Variants in PRKG2 observed in about 807,000 individuals in gnomAD.
The protein encoded by PRKG2 is protein kinase cGMP-dependent 2.
In PRKG2, 33 loss-of-function variants were observed where a neutral mutation model predicts 97.2. That is an observed-to-expected ratio of 0.34 (90% CI 0.26 to 0.45). The LOEUF (loss-of-function observed/expected upper bound fraction) is 0.45. Ranked by LOEUF, PRKG2 falls within the 20% of genes least tolerant of loss-of-function variation. The pLI, the probability that PRKG2 is intolerant of heterozygous loss-of-function variation, is 1.00. For missense variants in PRKG2, 638 were observed against 900.0 expected (o/e 0.71, Z 3.73); for synonymous variants, 330 against 321.8 (o/e 1.03, Z -0.27).
chr4:81,127,880 G>A (rs1009337324), intron 14 of PRKG2, among the ~76,000 whole-genome samples: 1 of 152,194 alleles, frequency 6.6e-6, no homozygotes, highest in African/African-American at 2.4e-5. Flanking sequence ...GAATAGGAGT[G>A]GTGACAGAAG....
At chr4:81,172,997 A>T (rs1750627358) in intron 3 of PRKG2, among the ~76,000 whole-genome samples, 1 of 152,152 alleles carries the variant, frequency 6.6e-6, no homozygotes, top group Admixed American at 6.6e-5. Context: ...ATTCTATTCT[A>T]TCAAAGCCAC....
At chr4:81,161,929 T>C (rs535549883) in intron 6 of PRKG2, among the ~76,000 whole-genome samples, 115 of 141,450 alleles carry the variant, frequency 8.1e-4, no homozygotes, top group Non-Finnish European at 1.5e-3. Flanking sequence ...TCTGGATATC[T>C]GGAAGGGGGG....
Position 81,105,882 on chromosome 4 carries a change from C to T in PRKG2, c.1994G>A (p.Gly665Glu). 1.2e-6 allele frequency: 2 copies of T among 1,613,704 alleles called. No individual in the cohort carries two copies. The highest frequency in any genetic ancestry group is 2.7e-5 in the African/African-American group (2 of 74,984). The stretch of plus-strand genomic sequence containing the variant: ...CCTGGGAAAATCCATTTTTTCAATT[C>T]CTTTGAGAATCAAATTGTAGGTCAT... ...QMMTYNLILK[G>E]IEKMDFPRKI... is the part of the protein sequence containing the mutation. Residue 665 changes from glycine (G) to glutamate (E), a missense_variant, in exon 16 of 19, where the codon GGA (glycine) becomes GAA (glutamate). Physicochemically the swap from Gly to Glu is moderately conservative, Grantham distance 98 (BLOSUM62 -2). Around this residue, in one of 3 missense-constraint regions of PRKG2, gnomAD observed 304 missense variants for 460.5 expected, o/e 0.66. Transcript: ENST00000264399.
chr4:81,144,382 A>C, intron 9 of PRKG2, 52 bp from the exon 10 acceptor site: 12 of 1,410,388 alleles, frequency 8.5e-6, no homozygotes, highest in Non-Finnish European at 6.0e-6. Flanking sequence ...TACCAAGGCA[A>C]CTTGACATTC....
At chr4:81,183,325 G>A (rs569703380) in intron 2 of PRKG2, among the ~76,000 whole-genome samples, 41 of 151,994 alleles carry the variant, frequency 2.7e-4, no homozygotes, top group Non-Finnish European at 4.6e-4. Flanking sequence ...TAGAGAGTGG[G>A]TGCAGCCCAC....
At chr4:81,181,423 A>G (rs1215092023) in intron 2 of PRKG2, among the ~76,000 whole-genome samples, 4 of 151,752 alleles carry the variant, frequency 2.6e-5, no homozygotes, top group African/African-American at 9.7e-5. Context: ...AAATTATATA[A>G]TAAAATAAAT....
At chr4:81,210,919 T>A (rs894311795) in intron 1 of PRKG2, among the ~76,000 whole-genome samples, 2 of 152,130 alleles carry the variant, frequency 1.3e-5, no homozygotes, top group African/African-American at 4.8e-5. Context: ...TTTAAATGCA[T>A]ATTGCTGGGT....
At chr4:81,174,527 G>A (rs1262752350) in intron 3 of PRKG2, among the ~76,000 whole-genome samples, 2 of 151,798 alleles carry the variant, frequency 1.3e-5, no homozygotes, top group Non-Finnish European at 2.9e-5. Context: ...TGCCTTACAG[G>A]GTTGGTGAGA....
At chr4:81,127,353 CT>C (rs1745701061) in intron 14 of PRKG2, among the ~76,000 whole-genome samples, 1 of 152,118 alleles carries the variant, frequency 6.6e-6, no homozygotes, top group Non-Finnish European at 1.5e-5. Context: ...TATACAGGCT[CT>C]TTTTTGGTTC....
At chr4:81,209,046 G>T (rs935956716) in intron 1 of PRKG2, among the ~76,000 whole-genome samples, 1 of 152,150 alleles carries the variant, frequency 6.6e-6, no homozygotes, top group Non-Finnish European at 1.5e-5. Flanking sequence ...CTGCAGTTAG[G>T]TATAGGAGAC....
intron 14 of PRKG2, among the ~76,000 whole-genome samples, chr4:81,119,678 ATTT>A (rs201642317): frequency 1.4e-5 from 2 of 144,114 alleles, no homozygotes; most frequent in Admixed American, 1.4e-4. Flanking sequence ...ACTGAATTGA[ATTT>A]TTTTTTTTTT....
At chr4:81,150,859 A>C (rs139930433) in intron 8 of PRKG2, among the ~76,000 whole-genome samples, 1 of 152,290 alleles carries the variant, frequency 6.6e-6, no homozygotes, top group Non-Finnish European at 1.5e-5. Context: ...ACAAATAAAC[A>C]CAAAGAATAT....
At chr4:81,126,324 C>T (rs1237208490) in intron 14 of PRKG2, among the ~76,000 whole-genome samples, 1 of 152,116 alleles carries the variant, frequency 6.6e-6, no homozygotes, top group Non-Finnish European at 1.5e-5. Context: ...GTGAATACTG[C>T]TGCAATAAAC....
intron 15 of PRKG2, among the ~76,000 whole-genome samples, chr4:81,107,716 T>C (rs1010123944): frequency 5.9e-5 from 9 of 151,976 alleles, no homozygotes; most frequent in Non-Finnish European, 1.2e-4. Context: ...TTTCACCATG[T>C]TGGCCAGGAT....
intron 2 of PRKG2, among the ~76,000 whole-genome samples, chr4:81,181,720 A>C (rs1751429954): frequency 6.6e-6 from 1 of 151,300 alleles, no homozygotes; most frequent in African/African-American, 2.4e-5. Context: ...ATAAAAAAAG[A>C]AATGAGTAGT....
chr4:81,162,471 C>A (rs1023705577), intron 6 of PRKG2, among the ~76,000 whole-genome samples: 6 of 152,140 alleles, frequency 3.9e-5, no homozygotes, highest in African/African-American at 1.2e-4. Context: ...CCCACACAAA[C>A]CTGGAAAACC....
At chr4:81,092,312 C>A in intron 18 of PRKG2, 74 bp downstream of exon 18, 2 of 992,372 alleles carry the variant, frequency 2.0e-6, no homozygotes, top group South Asian at 1.7e-5. Flanking sequence ...CATATACATA[C>A]ACACATCTAA....
intron 2 of PRKG2, among the ~76,000 whole-genome samples, chr4:81,181,723 T>C (rs1235688141): frequency 1.3e-5 from 2 of 151,546 alleles, no homozygotes; most frequent in Non-Finnish European, 2.9e-5. Flanking sequence ...AAAAAAGAAA[T>C]GAGTAGTATG....
intron 6 of PRKG2, among the ~76,000 whole-genome samples, chr4:81,156,878 C>T (rs1056201273): frequency 1.3e-5 from 2 of 152,052 alleles, no homozygotes; most frequent in African/African-American, 4.8e-5. Context: ...TCTTTGAAAC[C>T]AACAAGAACA....
Sources: gnomAD v4.1 joint callset for allele counts (sites outside exome capture counted in the v4.1 genomes callset) on GRCh38, gnomAD v4.1.1 for gene constraint, gnomAD v4.1.1 regional missense constraint, MANE v1.5 for transcripts, NCBI Gene and HGNC (gene_info 2026-07-23, HGNC 2026-07-21) for gene names.